KCTD16: variants seen among roughly 807,000 people sequenced by gnomAD.
The protein encoded by KCTD16 is BTB/POZ domain-containing protein KCTD16.
A neutral mutation model predicts 33.2 loss-of-function variants in KCTD16; 13 were observed. The ratio of observed to expected loss-of-function variants is 0.39; its 90% CI spans 0.25 to 0.62. The LOEUF (loss-of-function observed/expected upper bound fraction) is 0.62. Among genes scored for constraint, KCTD16 ranks in the 20% least tolerant of loss-of-function variants. KCTD16 has a pLI of 0.50. For missense variants in KCTD16, 441 were observed against 525.1 expected (o/e 0.84, Z 1.57); for synonymous variants, 197 against 195.3 (o/e 1.01, Z -0.07).
At chr5:144,312,935 GA>G (rs1414425164) in intron 3 of KCTD16, among the ~76,000 whole-genome samples, 1 of 152,178 alleles carries the variant, frequency 6.6e-6, no homozygotes, top group East Asian at 1.9e-4. Context: ...AGTCTCTAAG[GA>G]AAGTTTTTAA....
intron 3 of KCTD16, among the ~76,000 whole-genome samples, chr5:144,412,852 C>T (rs957429015): frequency 3.3e-5 from 5 of 152,192 alleles, no homozygotes; most frequent in African/African-American, 1.2e-4. Context: ...TGCCACTGCA[C>T]TCCAGCCTGG....
intron 3 of KCTD16, among the ~76,000 whole-genome samples, chr5:144,269,165 G>A (rs1479505222): frequency 2.0e-5 from 3 of 151,974 alleles, no homozygotes; most frequent in Admixed American, 6.6e-5. Context: ...GGGAAAAGGG[G>A]CAGAGAGAAT....
Position 144,481,227 on chromosome 5 carries a change from C to G in KCTD16, c.*7113C>G, listed in dbSNP as rs533013404. ...ACATGATCCTGTTAAAGATGTTTCC[C>G]AAGCTGATCAACAGTAGACCACAAA... On this transcript the variant is annotated 3_prime_UTR_variant, in exon 4 of 4. Coordinates refer to ENST00000512467, the MANE Select transcript of KCTD16 (RefSeq NM_020768.4). 1.3e-5 allele frequency: 2 copies of G among 151,998 alleles called. No homozygotes were observed. The highest frequency in any genetic ancestry group is 6.6e-5 in the Admixed American group (1 of 15,232). 9.4% of individuals were successfully genotyped at this position (151,998 alleles called of 1,614,324 possible). A position where few individuals can be genotyped will look rare whatever the true frequency, so the allele number is the denominator to read the frequency against.
rs1031882000 is a variant in KCTD16 at position 144,316,913 on chromosome 5, C to T, written c.832+109367C>T. 2.1e-5 allele frequency among the ~76,000 whole-genome samples: 3 copies of T among 144,766 alleles called. No individual in the cohort carries two copies. In the South Asian group the frequency reaches 6.6e-4, roughly 32 times the overall value. 95.0% of individuals were successfully genotyped at this position (144,766 alleles called of 152,430 possible). On this transcript the variant is annotated intron_variant, in intron 3 of 3. Coordinates refer to ENST00000512467, the MANE Select transcript of KCTD16 (RefSeq NM_020768.4). The stretch of plus-strand genomic sequence containing the variant: ...TGTGATCTCGGCTCACTGCAACCTG[C>T]ACCTCATGAGTTCAAGTGATTCTCC...
chr5:144,223,654 T>G lies in KCTD16; in HGVS notation c.832+16108T>G, dbSNP rs184079265. 1.2e-3 allele frequency among the ~76,000 whole-genome samples: 185 copies of G among 152,230 alleles called. 2 individuals carry two copies. Among genetic ancestry groups the G allele is most frequent in the African/African-American group, 4.1e-3 (170 of 41,550 alleles). On this transcript the variant is annotated intron_variant, in intron 3 of 3. Coordinates refer to ENST00000512467, the MANE Select transcript of KCTD16 (RefSeq NM_020768.4). ...AGTGTGAAGTACATTTTTTGTTTTT[T>G]TTTTTGATCCTAGGCTGCGTACTTT...
intron 3 of KCTD16, among the ~76,000 whole-genome samples, chr5:144,284,857 T>G (rs2126857522): frequency 6.6e-6 from 1 of 152,318 alleles, no homozygotes; most frequent in African/African-American, 2.4e-5. Context: ...AGCCTCTTTT[T>G]CCTCTTCTAA....
chr5:144,284,396 G>A (rs996442996), intron 3 of KCTD16, among the ~76,000 whole-genome samples: 1 of 152,208 alleles, frequency 6.6e-6, no homozygotes, highest in Admixed American at 6.5e-5. Context: ...ACTATGAAAA[G>A]AAATCCTTCC....
At chr5:144,457,082 T>A (rs1754082779) in intron 3 of KCTD16, among the ~76,000 whole-genome samples, 1 of 152,232 alleles carries the variant, frequency 6.6e-6, no homozygotes, top group African/African-American at 2.4e-5. Flanking sequence ...GAAGTGATAA[T>A]CCCTTAACTA....
intron 3 of KCTD16, among the ~76,000 whole-genome samples, chr5:144,378,611 T>C (rs1274659041): frequency 6.6e-6 from 1 of 152,190 alleles, no homozygotes; most frequent in Non-Finnish European, 1.5e-5. Context: ...CTTTATTAAG[T>C]ATGTCATTTC....
In KCTD16 at chr5:144,474,982, A is replaced by G. The variant is rs901381951; in HGVS notation, c.*868A>G. ...ATTCCTTGTGTTAAAAAAATCAAAC[A>G]TTCATATCCACAAAATTTTCTGCTA... On this transcript the variant is annotated 3_prime_UTR_variant, in exon 4 of 4. Transcript: ENST00000512467. 1.3e-5 allele frequency: 2 copies of G among 152,192 alleles called. No individual in the cohort carries two copies. Among genetic ancestry groups the G allele is most frequent in the Non-Finnish European group, 2.9e-5 (2 of 68,038 alleles). 9.4% of individuals were successfully genotyped at this position (152,192 alleles called of 1,614,324 possible). A position where few individuals can be genotyped will look rare whatever the true frequency, so the allele number is the denominator to read the frequency against.
intron 2 of KCTD16, among the ~76,000 whole-genome samples, chr5:144,201,013 T>C (rs1753034645): frequency 6.6e-6 from 1 of 152,248 alleles, no homozygotes; most frequent in Non-Finnish European, 1.5e-5. Context: ...CCCAAAGTGC[T>C]GGAATTACAG....
At position 144,204,307 on chromosome 5, in the gene KCTD16, C is replaced by G. The variant is rs566182614; in HGVS notation, c.-326-2082C>G. ...GTGCCTCACATATATTATTCATTGA[C>G]CAAGCACTATATTCTTATCAGGGAT... On this transcript the variant is annotated intron_variant, in intron 2 of 3. Transcript: ENST00000512467. 4.6e-5 allele frequency among the ~76,000 whole-genome samples: 7 copies of G among 152,204 alleles called. No individual in the cohort carries two copies. In the South Asian group the frequency reaches 1.5e-3, roughly 32 times the overall value.
chr5:144,409,969 T>C (rs1267606662), intron 3 of KCTD16, among the ~76,000 whole-genome samples: 3 of 152,158 alleles, frequency 2.0e-5, no homozygotes, highest in Non-Finnish European at 2.9e-5. Context: ...CTTGGTACTT[T>C]GACAGTTCAG....
rs1754741545 is a variant in KCTD16, at chr5:144,483,269, C to T, written c.*9155C>T. The T allele has an allele frequency of 6.6e-6, 1 of 151,682 alleles. No individual in the cohort carries two copies. Among genetic ancestry groups the T allele is most frequent in the Non-Finnish European group, 1.5e-5 (1 of 67,862 alleles). The allele number at this position is 151,682 out of a possible 1,614,324, so 9.4% of individuals were successfully genotyped here. ...TTCAATGGTTATTGCCCTAGTGGTG[C>T]TTCACTTACCTATTGGTTAATTTAT... On this transcript the variant is annotated 3_prime_UTR_variant, in exon 4 of 4. Coordinates refer to ENST00000512467, the MANE Select transcript of KCTD16 (RefSeq NM_020768.4).
At chr5:144,362,985 T>G (rs1312501814) in intron 3 of KCTD16, among the ~76,000 whole-genome samples, 1 of 152,222 alleles carries the variant, frequency 6.6e-6, no homozygotes, top group Non-Finnish European at 1.5e-5. Context: ...TCTTTCCATT[T>G]GTTTTACGTT....
At position 144,316,508 on chromosome 5, in the gene KCTD16, C is replaced by CTTT. The variant is rs398050808; in HGVS notation, c.832+108979_832+108981dup. 1.3e-4 allele frequency among the ~76,000 whole-genome samples: 16 copies of CTTT among 119,934 alleles called. 1 individual carries two copies. The highest frequency in any genetic ancestry group is 3.7e-4 in the Admixed American group (4 of 10,874). The allele number at this position is 119,934 out of a possible 152,430, so 78.7% of individuals were successfully genotyped here. On this transcript the variant is annotated intron_variant, in intron 3 of 3. Transcript: ENST00000512467. The stretch of plus-strand genomic sequence containing the variant: ...CCATCTTCCCATTTTTGTTTTTTGT[C>CTTT]TTTTTTTTTTTTTTTTTTTGAGACG...
At chr5:144,325,897 C>G (rs183702795) in intron 3 of KCTD16, among the ~76,000 whole-genome samples, 9 of 152,208 alleles carry the variant, frequency 5.9e-5, no homozygotes, top group Non-Finnish European at 1.5e-5. Flanking sequence ...TTTAATAAAA[C>G]CTGTTCAATT....
chr5:144,293,576 C>G (rs1755954531), intron 3 of KCTD16, among the ~76,000 whole-genome samples: 2 of 152,168 alleles, frequency 1.3e-5, no homozygotes, highest in African/African-American at 4.8e-5. Flanking sequence ...TTCACTGAAA[C>G]TTAATCCATC....
intron 3 of KCTD16, among the ~76,000 whole-genome samples, chr5:144,336,319 G>A (rs553239237): frequency 2.0e-5 from 3 of 152,326 alleles, no homozygotes; most frequent in East Asian, 1.9e-4. Context: ...GTGTGTGCAA[G>A]CCTGAACTCC....
Sources: allele counts gnomAD v4.1 joint callset (sites outside exome capture counted in the v4.1 genomes callset), GRCh38; gene constraint gnomAD v4.1.1; transcripts MANE v1.5; gene names NCBI Gene and HGNC (gene_info 2026-07-23, HGNC 2026-07-21).